Variants in COX10 observed in about 807,000 individuals in gnomAD.
The protein encoded by COX10 is protoheme IX farnesyltransferase, mitochondrial.
Under a neutral mutation model 37.3 loss-of-function variants are expected in COX10, and 27 were observed. That is an observed-to-expected ratio of 0.72 (90% CI 0.53 to 1.00). The LOEUF (loss-of-function observed/expected upper bound fraction) is 1.00, where lower values mean the gene tolerates loss of function less well. COX10 is among the 50% of genes least tolerant of loss of function. The pLI is 0.00. For missense variants in COX10, 475 were observed against 563.2 expected, an observed-to-expected ratio of 0.84 and a Z score of 1.59; for synonymous variants, 222 against 229.1, an observed-to-expected ratio of 0.97 and a Z score of 0.28.
chr17:14,112,340 G>C (rs538491448), intron 4 of COX10, among the ~76,000 whole-genome samples: 129 of 152,196 alleles, frequency 8.5e-4, no homozygotes, highest in Middle Eastern at 3.4e-3. Flanking sequence ...AAATCCTCTT[G>C]ACATTCACCC....
At chr17:14,092,900 A>G (rs932097158) in intron 3 of COX10, among the ~76,000 whole-genome samples, 1 of 152,190 alleles carries the variant, frequency 6.6e-6, no homozygotes, top group African/African-American at 2.4e-5. Flanking sequence ...CCTCTGAATT[A>G]AGTTATACAA....
At chr17:14,073,082 C>T (rs574656289) in intron 1 of COX10, among the ~76,000 whole-genome samples, 151 of 152,076 alleles carry the variant, frequency 9.9e-4, no homozygotes, top group Non-Finnish European at 1.3e-3. Context: ...GGGTCATGGG[C>T]GATGTTGCTT....
chr17:14,083,011 G>T (rs923789295), intron 3 of COX10, among the ~76,000 whole-genome samples: 5 of 152,196 alleles, frequency 3.3e-5, no homozygotes, highest in African/African-American at 1.2e-4. Flanking sequence ...GAGAGCCAGC[G>T]GAGCCGGTCA....
rs78734063 is a variant in COX10, at chr17:14,074,261, G to A, written c.44-62G>A. 0.015 allele frequency: 24,329 copies of A among 1,603,042 alleles called. 245 individuals are homozygous for A. The highest frequency in any genetic ancestry group is 0.018 in the Middle Eastern group (109 of 6,048). ...CTGGCTTTGCTTCTGGGGAGGTGTA[G>A]TCATCATTTGATAAGAAGTACGAAT... On this transcript the variant is annotated intron_variant, in intron 1 of 6. Coordinates refer to ENST00000261643, the MANE Select transcript of COX10 (RefSeq NM_001303.4).
intron 4 of COX10, among the ~76,000 whole-genome samples, chr17:14,127,653 T>C (rs1332517572): frequency 6.6e-6 from 1 of 152,164 alleles, no homozygotes; most frequent in Non-Finnish European, 1.5e-5. Context: ...TATACGTGTG[T>C]GAATGTGCTG....
intron 5 of COX10, among the ~76,000 whole-genome samples, chr17:14,188,750 G>T (rs1248828426): frequency 1.3e-5 from 2 of 152,172 alleles, no homozygotes; most frequent in African/African-American, 4.8e-5. Context: ...TCACAAGGTT[G>T]CCCGTGTTTG....
chr17:14,080,710 C>T (rs1915274975), intron 3 of COX10, among the ~76,000 whole-genome samples: 1 of 152,030 alleles, frequency 6.6e-6, no homozygotes, highest in Admixed American at 6.6e-5. Flanking sequence ...CTTGGTCATT[C>T]CTTATTGACT....
At chr17:14,101,925 T>G (rs1915790827) in intron 3 of COX10, among the ~76,000 whole-genome samples, 193 bp from the exon 4 acceptor site, 1 of 152,246 alleles carries the variant, frequency 6.6e-6, no homozygotes, top group Admixed American at 6.5e-5. Context: ...TTAACATTTT[T>G]ATATAATTAG....
chr17:14,154,005 C>T (rs183438772), intron 4 of COX10, among the ~76,000 whole-genome samples: 107 of 152,138 alleles, frequency 7.0e-4, no homozygotes, highest in Non-Finnish European at 1.0e-3. Context: ...AGTTATTATT[C>T]GGAGTGTAAA....
At chr17:14,095,954 G>C (rs958124805) in intron 3 of COX10, among the ~76,000 whole-genome samples, 5 of 152,148 alleles carry the variant, frequency 3.3e-5, no homozygotes, top group Non-Finnish European at 5.9e-5. Flanking sequence ...TATGGAACTA[G>C]GTAATTTATA....
chr17:14,185,191 G>A (rs543673496), intron 5 of COX10, among the ~76,000 whole-genome samples: 1 of 151,606 alleles, frequency 6.6e-6, no homozygotes, highest in Non-Finnish European at 1.5e-5. Context: ...ATTATGAAAG[G>A]AGAAAACTCA....
At chr17:14,075,371 T>C (rs1915116580) in intron 2 of COX10, among the ~76,000 whole-genome samples, 1 of 152,172 alleles carries the variant, frequency 6.6e-6, no homozygotes, top group Admixed American at 6.5e-5. Context: ...TTCAAATCTT[T>C]GTGATGTGAT....
chr17:14,078,105 G>T (rs774091321), intron 3 of COX10, among the ~76,000 whole-genome samples: 15 of 152,178 alleles, frequency 9.9e-5, no homozygotes, highest in Middle Eastern at 3.4e-3. Flanking sequence ...CTTGTGTAAT[G>T]TAACTCTAAA....
At chr17:14,158,524 T>C (rs1259198386) in intron 4 of COX10, among the ~76,000 whole-genome samples, 4 of 151,902 alleles carry the variant, frequency 2.6e-5, no homozygotes, top group East Asian at 1.9e-4. Flanking sequence ...AGAACACATA[T>C]TGAGTACAAC....
intron 5 of COX10, among the ~76,000 whole-genome samples, chr17:14,173,430 C>G (rs1210559861): frequency 6.6e-6 from 1 of 152,216 alleles, no homozygotes; most frequent in African/African-American, 2.4e-5. Context: ...GGCTGTAGAC[C>G]TTGACAGACA....
intron 4 of COX10, among the ~76,000 whole-genome samples, chr17:14,127,656 A>C (rs1916373189): frequency 6.6e-6 from 1 of 152,160 alleles, no homozygotes; most frequent in Non-Finnish European, 1.5e-5. Context: ...ACGTGTGTGA[A>C]TGTGCTGCAT....
intron 4 of COX10, among the ~76,000 whole-genome samples, chr17:14,155,458 G>C (rs938919955): frequency 6.6e-6 from 1 of 152,096 alleles, no homozygotes; most frequent in Non-Finnish European, 1.5e-5. Context: ...GCTCACGCCT[G>C]TAATCCTAGC....
intron 4 of COX10, among the ~76,000 whole-genome samples, chr17:14,110,649 T>C (rs890160149): frequency 7.2e-5 from 11 of 152,176 alleles, no homozygotes; most frequent in African/African-American, 2.6e-4. Flanking sequence ...AGTTATATTT[T>C]GCCATTCCTG....
intron 4 of COX10, among the ~76,000 whole-genome samples, chr17:14,156,280 C>G (rs1041307139): frequency 6.6e-6 from 1 of 152,156 alleles, no homozygotes; most frequent in Non-Finnish European, 1.5e-5. Context: ...GGCTGGAGTG[C>G]AGTGGCACAA....
Sources: gnomAD v4.1 joint callset for allele counts (sites outside exome capture counted in the v4.1 genomes callset) on GRCh38, gnomAD v4.1.1 for gene constraint, MANE v1.5 for transcripts, NCBI Gene and HGNC (gene_info 2026-07-23, HGNC 2026-07-21) for gene names.